KDM4B: variants seen among roughly 807,000 people sequenced by gnomAD.
KDM4B encodes the protein lysine-specific demethylase 4B.
In KDM4B, 32 loss-of-function variants were observed where a neutral mutation model predicts 125.2. The observed-to-expected ratio is 0.26, with a 90% CI of 0.19 to 0.34. The LOEUF is 0.34. Among genes scored for constraint, KDM4B ranks in the 10% least tolerant of loss-of-function variants. The probability of loss-of-function intolerance (pLI) is 1.00; values close to 1 mark genes in which losing one functional copy is unlikely to be tolerated. For missense variants in KDM4B, 1,190 were observed against 1,577.7 expected, an observed-to-expected ratio of 0.75 and a Z score of 4.16; for synonymous variants, 721 against 677.9, an observed-to-expected ratio of 1.06 and a Z score of -0.99.
intron 11 of KDM4B, among the ~76,000 whole-genome samples, chr19:5,120,822 C>T (rs572398305): frequency 1.8e-4 from 28 of 152,238 alleles, no homozygotes; most frequent in South Asian, 1.0e-3. Context: ...GTGGGGTGTG[C>T]TGGCCAGCCT....
chr19:5,108,969 G>A (rs2145979593), intron 9 of KDM4B, among the ~76,000 whole-genome samples: 1 of 152,226 alleles, frequency 6.6e-6, no homozygotes, highest in South Asian at 2.1e-4. Flanking sequence ...GAGACTCCCA[G>A]GGGCTACTTT....
chr19:5,090,842 G>A (rs1443697320), intron 9 of KDM4B, among the ~76,000 whole-genome samples: 1 of 151,444 alleles, frequency 6.6e-6, no homozygotes, highest in Non-Finnish European at 1.5e-5. Context: ...GGGCATCTGG[G>A]AGCCCACACC....
At position 5,057,174 on chromosome 19, in the gene KDM4B, C is replaced by T. The variant is rs563512867; in HGVS notation, c.626+9505C>T. ...TCCTTTTCCCAGCCCCCTCTGCACA[C>T]TGTGGTGGTGGCTTCCTCCCGGCTC... is the stretch of plus-strand genomic sequence containing the variant. On this transcript the variant is annotated intron_variant, in intron 6 of 22. Transcript: ENST00000159111. 7.9e-5 allele frequency among the ~76,000 whole-genome samples: 12 copies of T among 152,210 alleles called. No individual in the cohort carries two copies. The East Asian group carries it at 2.1e-3, about 27-fold the overall frequency.
In KDM4B at chr19:5,137,692, C is replaced by T. The variant is rs369042733; in HGVS notation, c.2441+16C>T. The T allele has an allele frequency of 6.8e-5, 107 of 1,570,408 alleles. 1 individual carries two copies. The Admixed American group carries it at 1.6e-3, about 24-fold the overall frequency. ...CCGATAGGAGGTGGGTGGCACCGCGCGTTGGGGCTGGAGGGCCGGAGGGGA... is the reference window on the plus strand; with the variant it reads ...CCGATAGGAGGTGGGTGGCACCGCGTGTTGGGGCTGGAGGGCCGGAGGGGA... On this transcript the variant is annotated intron_variant, in intron 17 of 22. Transcript: ENST00000159111.
intron 6 of KDM4B, among the ~76,000 whole-genome samples, chr19:5,052,603 C>T (rs1439374466): frequency 6.6e-6 from 1 of 152,242 alleles, no homozygotes; most frequent in African/African-American, 2.4e-5. Context: ...AGCTCCATCT[C>T]CTGCTGGCAG....
At chr19:5,026,247 A>C (rs890744198) in intron 2 of KDM4B, among the ~76,000 whole-genome samples, 1 of 145,868 alleles carries the variant, frequency 6.9e-6, no homozygotes, top group East Asian at 2.2e-4. Flanking sequence ...AGCCAGGAGC[A>C]GCTGTAGAAT....
rs768085570 is a variant in KDM4B at position 5,151,420 on chromosome 19, T to C, written c.3200T>C (p.Leu1067Pro). The change falls in exon 23 of 23, where the codon CTT becomes CCT. Residue 1067 changes from leucine (L) to proline (P), a missense_variant. Transcript: ENST00000159111. Reference protein sequence around the residue: ...AAKRPRVGTPLATEDSGRSQD... With the variant: ...AAKRPRVGTPPATEDSGRSQD... ...AAGCGCCCGCGTGTGGGCACCCCGC[T>C]TGCCACGGAGGACTCCGGGCGGAGC... 7.0e-6 allele frequency: 11 copies of C among 1,575,064 alleles called. No individual in the cohort carries two copies. Among genetic ancestry groups the C allele is most frequent in the Non-Finnish European group, 9.5e-6 (11 of 1,163,298 alleles).
intron 11 of KDM4B, among the ~76,000 whole-genome samples, chr19:5,130,220 A>C (rs1034796022): frequency 2.0e-5 from 3 of 152,118 alleles, no homozygotes; most frequent in African/African-American, 7.2e-5. Flanking sequence ...TCCCACCCAC[A>C]GAGTCCCCTC....
At chr19:5,085,679 G>T (rs1186934808) in intron 9 of KDM4B, among the ~76,000 whole-genome samples, 1 of 152,148 alleles carries the variant, frequency 6.6e-6, no homozygotes, top group Non-Finnish European at 1.5e-5. Context: ...CCCCAGCCCC[G>T]CTGTCCCAGC....
At chr19:5,062,513 G>A (rs1300954270) in intron 6 of KDM4B, among the ~76,000 whole-genome samples, 1 of 152,236 alleles carries the variant, frequency 6.6e-6, no homozygotes, top group African/African-American at 2.4e-5. Flanking sequence ...AGTACAGCAG[G>A]CAAGTGCACT....
At chr19:5,117,978 GC>G (rs758573823) in intron 10 of KDM4B, among the ~76,000 whole-genome samples, 87 of 152,294 alleles carry the variant, frequency 5.7e-4, no homozygotes, top group Middle Eastern at 3.4e-3. Context: ...TGGAGGAGGC[GC>G]CCCAGAAGCC....
At chr19:5,039,587 G>T (rs1215552370) in intron 3 of KDM4B, among the ~76,000 whole-genome samples, 2 of 152,162 alleles carry the variant, frequency 1.3e-5, no homozygotes, top group African/African-American at 4.8e-5. Context: ...CCTGGTGCTG[G>T]GGGGGTGCTG....
chr19:5,085,702 AC>A (rs2038468478), intron 9 of KDM4B, among the ~76,000 whole-genome samples: 1 of 151,934 alleles, frequency 6.6e-6, no homozygotes, highest in South Asian at 2.1e-4. Flanking sequence ...CTGCTCAGGC[AC>A]CCCTGGTGTA....
At chr19:5,073,378 C>T (rs751346594) in intron 7 of KDM4B, among the ~76,000 whole-genome samples, 3 of 152,356 alleles carry the variant, frequency 2.0e-5, no homozygotes, top group Admixed American at 1.3e-4. Flanking sequence ...CCAGCAGCCC[C>T]GGTGGGGAGC....
At chr19:5,021,492 G>C (rs577681493) in intron 2 of KDM4B, among the ~76,000 whole-genome samples, 12 of 152,138 alleles carry the variant, frequency 7.9e-5, no homozygotes, top group Non-Finnish European at 1.8e-4. Flanking sequence ...AGGATGGCTT[G>C]AGCCCGGGAG....
At chr19:5,146,213 G>A (rs971962408) in intron 21 of KDM4B, among the ~76,000 whole-genome samples, 1 of 149,508 alleles carries the variant, frequency 6.7e-6, no homozygotes, top group African/African-American at 2.5e-5. Context: ...CACTGCTCTC[G>A]GACCTGTCAC....
chr19:4,990,053 G>C (rs2145371731), intron 1 of KDM4B, among the ~76,000 whole-genome samples: 1 of 152,262 alleles, frequency 6.6e-6, no homozygotes, highest in Middle Eastern at 3.4e-3. Context: ...GCTTTGGGGG[G>C]CTGAGGTGGG....
chr19:5,121,425 G>A (rs560929032), intron 11 of KDM4B, among the ~76,000 whole-genome samples: 184 of 152,184 alleles, frequency 1.2e-3, no homozygotes, highest in Non-Finnish European at 2.4e-3. Flanking sequence ...ATTATGTAGC[G>A]ACAATTCTCT....
In KDM4B at chr19:5,115,942, T is replaced by A. The variant is rs2039245971; in HGVS notation, c.1116-3711T>A. ...TAGGAGTTTCAGAAAAAGAAAAGTG[T>A]CCCGGGACCCAAAGGCTTTGCATTT... On this transcript the variant is annotated intron_variant, in intron 10 of 22. Coordinates refer to ENST00000159111, the MANE Select transcript of KDM4B (RefSeq NM_015015.3). This position sits in a 1 kb window ranked among gnomAD's most constrained non-coding sequence, Gnocchi z 4.2. Among the ~76,000 whole-genome samples the A allele has an allele frequency of 6.6e-6, 1 of 151,850 alleles. No individual in the cohort carries two copies. Among genetic ancestry groups the A allele is most frequent in the African/African-American group, 2.4e-5 (1 of 41,336 alleles).
Sources: allele counts gnomAD v4.1 joint callset (sites outside exome capture counted in the v4.1 genomes callset), GRCh38; gene constraint gnomAD v4.1.1; non-coding constraint Gnocchi (gnomAD v3.1); transcripts MANE v1.5; gene names NCBI Gene and HGNC (gene_info 2026-07-23, HGNC 2026-07-21).